Variants in PLEKHA7 observed in about 807,000 individuals in gnomAD.
The protein encoded by PLEKHA7 is pleckstrin homology domain containing A7.
In PLEKHA7, 104 loss-of-function variants were observed where a neutral mutation model predicts 170.0. The observed-to-expected ratio is 0.61, with a 90% CI of 0.52 to 0.72. The LOEUF is 0.72. Ranked by LOEUF, PLEKHA7 falls within the 30% of genes least tolerant of loss-of-function variation. The pLI is 0.00. For missense variants in PLEKHA7, 1,615 were observed against 1,671.7 expected (o/e 0.97, Z 0.59); for synonymous variants, 648 against 660.8 (o/e 0.98, Z 0.30).
intron 19 of PLEKHA7, among the ~76,000 whole-genome samples, chr11:16,792,404 C>T (rs1186868209): frequency 6.6e-6 from 1 of 151,858 alleles, no homozygotes; most frequent in South Asian, 2.1e-4. Context: ...AGAACTATAG[C>T]CACATGCAAC....
intron 3 of PLEKHA7, among the ~76,000 whole-genome samples, chr11:16,959,789 C>T (rs1214508414): frequency 6.6e-6 from 1 of 152,184 alleles, no homozygotes; most frequent in Non-Finnish European, 1.5e-5. Flanking sequence ...GTGTGTGGTT[C>T]CTGGCTAAAG....
intron 4 of PLEKHA7, among the ~76,000 whole-genome samples, chr11:16,861,065 A>C (rs1360637361): frequency 6.6e-6 from 1 of 152,232 alleles, no homozygotes; most frequent in Non-Finnish European, 1.5e-5. Context: ...TTTCCAAGGC[A>C]TATGTCTCCA....
chr11:16,887,613 C>A (rs1428955581), intron 3 of PLEKHA7, among the ~76,000 whole-genome samples: 3 of 152,232 alleles, frequency 2.0e-5, no homozygotes, highest in South Asian at 2.1e-4. Flanking sequence ...CCGGGCTGGT[C>A]TCCAGCTCCT....
At chr11:17,002,356 A>G (rs935749914) in intron 3 of PLEKHA7, among the ~76,000 whole-genome samples, 8 of 151,988 alleles carry the variant, frequency 5.3e-5, no homozygotes, top group African/African-American at 1.7e-4. Flanking sequence ...GTGAGCTGAG[A>G]TGGTACCACT....
chr11:17,008,056 C>A (rs1425592649), intron 3 of PLEKHA7, among the ~76,000 whole-genome samples: 3 of 152,252 alleles, frequency 2.0e-5, no homozygotes, highest in African/African-American at 4.8e-5. Context: ...CTAGGACCTG[C>A]TTCAGGTCCT....
intron 10 of PLEKHA7, among the ~76,000 whole-genome samples, chr11:16,824,438 C>T (rs1410455598): frequency 2.6e-5 from 4 of 152,124 alleles, no homozygotes; most frequent in South Asian, 2.1e-4. Flanking sequence ...GATAAATGCC[C>T]GAGGTGATGG....
chr11:16,790,670 A>AC (rs1847776351), intron 21 of PLEKHA7, 128 bp downstream of exon 21: 5 of 891,264 alleles, frequency 5.6e-6, no homozygotes, highest in South Asian at 5.3e-5. Flanking sequence ...GGCATCCCAG[A>AC]CCCCCCTGAC....
chr11:16,986,378 T>C (rs1332896355), intron 3 of PLEKHA7, among the ~76,000 whole-genome samples: 1 of 152,078 alleles, frequency 6.6e-6, no homozygotes, highest in Non-Finnish European at 1.5e-5. Flanking sequence ...CAAGACCCCA[T>C]GGAGAAGGGA....
intron 3 of PLEKHA7, among the ~76,000 whole-genome samples, chr11:16,882,562 G>C (rs1384257640): frequency 6.6e-6 from 1 of 152,118 alleles, no homozygotes; most frequent in Non-Finnish European, 1.5e-5. Context: ...TCCTAACAAG[G>C]GCATTTGCTT....
intron 3 of PLEKHA7, among the ~76,000 whole-genome samples, chr11:16,972,559 C>T (rs1456136469): frequency 1.3e-5 from 2 of 152,114 alleles, no homozygotes; most frequent in East Asian, 1.9e-4. Context: ...TGCTGGTGCG[C>T]ACCACCATGC....
chr11:16,805,789 CAA>C lies in PLEKHA7; in HGVS notation c.2008-2496_2008-2495del, dbSNP rs11339921. Among the ~76,000 whole-genome samples, 629 of 111,184 alleles carry C rather than the reference CAA, an allele frequency of 5.7e-3. 4 individuals carry two copies. The highest frequency in any genetic ancestry group is 0.013 in the Middle Eastern group (3 of 232). The allele number at this position is 111,184 out of a possible 152,430, so 72.9% of individuals were successfully genotyped here. ...TGGGTGACAGAGCGAGACTCCATGT[CAA>C]AAAAAAAAAAAAAAAACAAAAACAA... On this transcript the variant is annotated intron_variant, in intron 13 of 26. Transcript: ENST00000531066.
intron 15 of PLEKHA7, among the ~76,000 whole-genome samples, chr11:16,802,210 A>G (rs1848639748): frequency 6.6e-6 from 1 of 152,270 alleles, no homozygotes; most frequent in African/African-American, 2.4e-5. Flanking sequence ...GCAAAAGGAA[A>G]AAAATACTTT....
At chr11:16,983,853 C>T (rs936749655) in intron 3 of PLEKHA7, among the ~76,000 whole-genome samples, 3 of 152,146 alleles carry the variant, frequency 2.0e-5, no homozygotes, top group Non-Finnish European at 4.4e-5. Flanking sequence ...CTAGAAGGCA[C>T]CCAGGTCCAT....
intron 5 of PLEKHA7, 77 bp downstream of exon 5, chr11:16,855,726 A>T: frequency 9.2e-7 from 1 of 1,088,836 alleles, no homozygotes; most frequent in Non-Finnish European, 1.4e-6. Flanking sequence ...AGTGAAGATC[A>T]AATGGACTTC....
chr11:16,789,665 C>G lies in PLEKHA7; in HGVS notation c.3156+110G>C. Reference sequence around the variant, plus strand: ...GAGCTCAGGAGGGGCTGAGGCCACCCCAGAGGCCATCCCCAGGGCTGAAGG... The same window carrying G: ...GAGCTCAGGAGGGGCTGAGGCCACCGCAGAGGCCATCCCCAGGGCTGAAGG... On this transcript the variant is annotated intron_variant, in intron 22 of 26. Coordinates refer to ENST00000531066, the MANE Select transcript of PLEKHA7 (RefSeq NM_001329630.2). The surrounding 1 kb of genome is among the most constrained non-coding windows in gnomAD (Gnocchi z 4.6). The G allele has an allele frequency of 1.0e-6, 1 of 982,358 alleles. No homozygotes were observed. Among genetic ancestry groups the G allele is most frequent in the South Asian group, 1.6e-5 (1 of 63,270 alleles). The allele number at this position is 982,358 out of a possible 1,614,324, so 60.9% of individuals were successfully genotyped here. A position where few individuals can be genotyped will look rare whatever the true frequency, so the allele number is the denominator to read the frequency against.
chr11:16,824,596 C>T (rs990371523), intron 10 of PLEKHA7, among the ~76,000 whole-genome samples: 1 of 152,196 alleles, frequency 6.6e-6, no homozygotes, highest in African/African-American at 2.4e-5. Context: ...TTACGAGTGT[C>T]GCTGTTTCAA....
chr11:16,842,927 T>G (rs1431274276), intron 8 of PLEKHA7, among the ~76,000 whole-genome samples: 2 of 152,222 alleles, frequency 1.3e-5, no homozygotes, highest in African/African-American at 2.4e-5. Context: ...TAAGTAACTT[T>G]CCGAGATTTC....
intron 3 of PLEKHA7, among the ~76,000 whole-genome samples, chr11:16,946,063 G>A (rs766461921): frequency 6.6e-6 from 1 of 152,230 alleles, no homozygotes; most frequent in Non-Finnish European, 1.5e-5. Flanking sequence ...TCCTCACTTA[G>A]TGGGAAGCCA....
At chr11:16,844,945 C>G (rs781331879) in intron 8 of PLEKHA7, among the ~76,000 whole-genome samples, 30 of 152,186 alleles carry the variant, frequency 2.0e-4, no homozygotes, top group Admixed American at 5.9e-4. Flanking sequence ...GGAGGGACAG[C>G]CTTAAACAAG....
Sources: gnomAD v4.1 joint callset for allele counts (sites outside exome capture counted in the v4.1 genomes callset) on GRCh38, gnomAD v4.1.1 for gene constraint, Gnocchi (gnomAD v3.1) non-coding constraint, MANE v1.5 for transcripts, NCBI Gene and HGNC (gene_info 2026-07-23, HGNC 2026-07-21) for gene names.